Variants in INTS2 observed in about 807,000 individuals in gnomAD.
INTS2 encodes integrator complex subunit 2.
A neutral mutation model predicts 139.6 loss-of-function variants in INTS2; 57 were observed. The ratio of observed to expected loss-of-function variants is 0.41; its 90% CI spans 0.33 to 0.51. The LOEUF (loss-of-function observed/expected upper bound fraction) is 0.51, where lower values mean the gene tolerates loss of function less well. INTS2 is among the 20% of genes least tolerant of loss of function. INTS2 has a pLI of 0.28. For missense variants in INTS2, 1,196 were observed against 1,436.7 expected (o/e 0.83, Z 2.71); for synonymous variants, 473 against 493.4 (o/e 0.96, Z 0.55).
intron 9 of INTS2, among the ~76,000 whole-genome samples, chr17:61,899,584 C>T (rs2079384073): frequency 6.6e-6 from 1 of 150,562 alleles, no homozygotes; most frequent in Non-Finnish European, 1.5e-5. Flanking sequence ...TCTTTCTAAA[C>T]ATTAGTTTTT....
Position 61,897,841 on chromosome 17 carries a change from C to A in INTS2, c.1308-102G>T, listed in dbSNP as rs2079365042. 1.2e-6 allele frequency: 1 copy of A among 851,830 alleles called. No individual in the cohort carries two copies. The highest frequency in any genetic ancestry group is 1.6e-5 in the South Asian group (1 of 61,742). The allele number at this position is 851,830 out of a possible 1,614,324, so 52.8% of individuals were successfully genotyped here. A position where few individuals can be genotyped will look rare whatever the true frequency, so the allele number is the denominator to read the frequency against. On this transcript the variant is annotated intron_variant, in intron 9 of 24. Coordinates refer to ENST00000251334, the MANE Select transcript of INTS2 (RefSeq NM_001351695.2). The surrounding 1 kb of genome is among the most constrained non-coding windows in gnomAD (Gnocchi z 4.4). ...TTTTTGGTAGAAATTATTTTTCCTG[C>A]CCTATTTTCAAGTATCAAGTCAAAT...
At chr17:61,896,472 T>A (rs2079350983) in intron 11 of INTS2, among the ~76,000 whole-genome samples, 1 of 152,098 alleles carries the variant, frequency 6.6e-6, no homozygotes, top group Non-Finnish European at 1.5e-5. Context: ...ACATGTCAAC[T>A]GTAAAATGAA....
chr17:61,913,352 AC>A (rs2079547121), intron 5 of INTS2, among the ~76,000 whole-genome samples: 2 of 151,902 alleles, frequency 1.3e-5, no homozygotes, highest in African/African-American at 4.8e-5. Context: ...CAAAAAAAAA[AC>A]AAAAAAAAAG....
Position 61,869,752 on chromosome 17 carries a change from C to T in INTS2, c.3015G>A (p.Lys1005=), listed in dbSNP as rs2145898254. Reference sequence around the variant, plus strand: ...GGAAACAGACCTGAAAGTGAACAAGCTTAGCAATGTTGGGATCTGCAATGT... The same window carrying T: ...GGAAACAGACCTGAAAGTGAACAAGTTTAGCAATGTTGGGATCTGCAATGT... ...QMYIADPNIA[K]LVHFQGYPCE... Residue 1005 remains lysine, a synonymous_variant, in exon 21 of 25, where the codon AAG becomes AAA. Transcript: ENST00000251334. This position sits in a 1 kb window ranked among gnomAD's most constrained non-coding sequence, Gnocchi z 5.4. 2 of 1,613,552 alleles carry T rather than the reference C, an allele frequency of 1.2e-6. No homozygotes were observed. The highest frequency in any genetic ancestry group is 1.3e-5 in the African/African-American group (1 of 75,044).
rs754318246 is a variant in INTS2, at chr17:61,921,814, T to C, written c.446A>G (p.Asn149Ser). The C allele has an allele frequency of 1.2e-5, 19 of 1,588,914 alleles. No individual in the cohort carries two copies. Among genetic ancestry groups the C allele is most frequent in the Middle Eastern group, 3.3e-4 (2 of 5,976 alleles). ...AGAAGACTTGAAAAAAAATTCTCCGTTGGACTCAGACACCTTAAAAAAGAA... is the reference window on the plus strand; with the variant it reads ...AGAAGACTTGAAAAAAAATTCTCCGCTGGACTCAGACACCTTAAAAAAGAA... ...LAIMNKVSES[N>S]GEFFFKSSEL... Residue 149 changes from asparagine (N) to serine (S), a missense_variant, in exon 4 of 25, where the codon AAC becomes AGC. By Grantham distance (46) the Asn-to-Ser change is conservative (BLOSUM62 1). Around this residue, in one of 3 missense-constraint regions of INTS2, gnomAD observed 1,129 missense variants for 1,341.9 expected, o/e 0.84. Coordinates refer to ENST00000251334, the MANE Select transcript of INTS2 (RefSeq NM_001351695.2).
At chr17:61,922,543 T>TATAC (rs1567921253) in intron 3 of INTS2, among the ~76,000 whole-genome samples, 23 of 125,642 alleles carry the variant, frequency 1.8e-4, no homozygotes, top group African/African-American at 6.3e-4. Context: ...TATATATATA[T>TATAC]ATACGTGTTC....
intron 5 of INTS2, among the ~76,000 whole-genome samples, chr17:61,917,124 G>A (rs2079590811): frequency 6.6e-6 from 1 of 152,128 alleles, no homozygotes; most frequent in Non-Finnish European, 1.5e-5. Context: ...CTATTAAAAA[G>A]TCAAAAAATA....
At chr17:61,898,909 C>T (rs1406965748) in intron 9 of INTS2, among the ~76,000 whole-genome samples, 1 of 152,162 alleles carries the variant, frequency 6.6e-6, no homozygotes, top group South Asian at 2.1e-4. Context: ...CCACCACACC[C>T]GGTCTAAATT....
intron 1 of INTS2, 124 bp from the exon 2 acceptor site, chr17:61,926,786 G>C: frequency 1.3e-6 from 1 of 759,034 alleles, no homozygotes; most frequent in Non-Finnish European, 2.3e-6. Context: ...AATGTTCCTG[G>C]CACAATCAAG....
In INTS2 at chr17:61,873,272, C is replaced by G. The variant is rs771309327; in HGVS notation, c.2583-812G>C. 5.9e-5 allele frequency among the ~76,000 whole-genome samples: 9 copies of G among 152,014 alleles called. No individual in the cohort carries two copies. Among genetic ancestry groups the G allele is most frequent in the Admixed American group, 6.6e-5 (1 of 15,264 alleles). ...GGCACAGCAGCACACAACTGTAATC[C>G]CAGCTACTCAGGAGGCTGAGGCAAG... is the stretch of plus-strand genomic sequence containing the variant. On this transcript the variant is annotated intron_variant, in intron 19 of 24. Coordinates refer to ENST00000251334, the MANE Select transcript of INTS2 (RefSeq NM_001351695.2). The surrounding 1 kb of genome is among the most constrained non-coding windows in gnomAD (Gnocchi z 4.0).
intron 9 of INTS2, among the ~76,000 whole-genome samples, chr17:61,903,691 G>C (rs1044332141): frequency 6.7e-6 from 1 of 149,658 alleles, no homozygotes; most frequent in African/African-American, 2.5e-5. Context: ...AGTTTTACAA[G>C]GAAGTAAAAA....
At chr17:61,879,242 G>A (rs867036255) in intron 17 of INTS2, among the ~76,000 whole-genome samples, 5 of 151,940 alleles carry the variant, frequency 3.3e-5, no homozygotes, top group African/African-American at 1.2e-4. Context: ...AAACAGGACT[G>A]AAAGAGGAAA....
rs2079084787 is a variant in INTS2, at chr17:61,871,106, T to C, written c.2779-1118A>G. Reference sequence around the variant, plus strand: ...ACTCCTAGGAACAGATTTATTTTATTGATTTATTTTATTGATTTTTGTTGT... The same window carrying C: ...ACTCCTAGGAACAGATTTATTTTATCGATTTATTTTATTGATTTTTGTTGT... On this transcript the variant is annotated intron_variant, in intron 20 of 24. Coordinates refer to ENST00000251334, the MANE Select transcript of INTS2 (RefSeq NM_001351695.2). The surrounding 1 kb of genome is among the most constrained non-coding windows in gnomAD (Gnocchi z 4.9). Among the ~76,000 whole-genome samples, 2 of 152,072 alleles carry C rather than the reference T, an allele frequency of 1.3e-5. No individual in the cohort carries two copies. The highest frequency in any genetic ancestry group is 4.1e-4 in the South Asian group (2 of 4,830).
chr17:61,903,156 G>A lies in INTS2; in HGVS notation c.1307+1304C>T, dbSNP rs553112923. On this transcript the variant is annotated intron_variant, in intron 9 of 24. Coordinates refer to ENST00000251334, the MANE Select transcript of INTS2 (RefSeq NM_001351695.2). ...CACTCCAGCCTGGGCGACAAAGCTA[G>A]ACTCCGTCTCAAAAAAGGAAAAAAA... Among the ~76,000 whole-genome samples the A allele has an allele frequency of 6.5e-5, 8 of 122,556 alleles. 1 individual carries two copies. In the South Asian group the frequency reaches 2.4e-3, roughly 36 times the overall value. The allele number at this position is 122,556 out of a possible 152,430, so 80.4% of individuals were successfully genotyped here.
In INTS2 at chr17:61,893,875, C is replaced by A. The variant is rs779405941; in HGVS notation, c.1588G>T (p.Val530Phe). Residue 530 changes from valine to phenylalanine, a missense_variant, in exon 13 of 25, where the codon GTC becomes TTC. Physicochemically the swap from Val to Phe is conservative, Grantham distance 50. Around this residue, in one of 3 missense-constraint regions of INTS2, gnomAD observed 1,129 missense variants for 1,341.9 expected, o/e 0.84. Coordinates refer to ENST00000251334, the MANE Select transcript of INTS2 (RefSeq NM_001351695.2). The surrounding 1 kb of genome is among the most constrained non-coding windows in gnomAD (Gnocchi z 5.4). ...EQVVTAHAVR[V>F]PVTSNLSANI... ...GCACTCAGGTTGCTGGTGACAGGGA[C>A]CCGAACTGCATGAGCTGTGACAACC... 1 of 1,575,654 alleles carries A rather than the reference C, an allele frequency of 6.3e-7. No individual in the cohort carries two copies. Among genetic ancestry groups the A allele is most frequent in the Non-Finnish European group, 8.6e-7 (1 of 1,159,876 alleles).
At chr17:61,887,482 C>CA (rs1240524678) in intron 15 of INTS2, among the ~76,000 whole-genome samples, 3,812 of 50,146 alleles carry the variant, frequency 0.076, 159 homozygotes, top group African/African-American at 0.17. Flanking sequence ...GACTCTGTCT[C>CA]AAAAAAAAAA....
intron 15 of INTS2, among the ~76,000 whole-genome samples, chr17:61,886,426 T>A (rs1421672568): frequency 6.6e-6 from 1 of 152,252 alleles, no homozygotes; most frequent in Non-Finnish European, 1.5e-5. Flanking sequence ...CAACCTTTTT[T>A]TCTTCTAAGT....
rs2079715289 is a variant in INTS2, at chr17:61,926,481, C to T, written c.164G>A (p.Ser55Asn). 2 of 1,613,928 alleles carry T rather than the reference C, an allele frequency of 1.2e-6. No individual in the cohort carries two copies. Among genetic ancestry groups the T allele is most frequent in the East Asian group, 2.2e-5 (1 of 44,902 alleles). Residue 55 changes from serine to asparagine, a missense_variant, in exon 2 of 25, where the codon AGC (serine) becomes AAC (asparagine). Physicochemically the swap from Ser to Asn is conservative, Grantham distance 46. This residue lies in a region of INTS2 where 31 missense variants were observed against 64.8 expected (regional missense o/e 0.48). Coordinates refer to ENST00000251334, the MANE Select transcript of INTS2 (RefSeq NM_001351695.2). ...GATGAGTTTCTTATCCTGAGCCCAG[C>T]TTTGGCTCTGGTCAGCAGGTGCACA... ...ALCAPADQSQ[S>N]WAQDKKLILR... is the part of the protein sequence containing the mutation.
chr17:61,922,256 A>C (rs556216929), intron 3 of INTS2, among the ~76,000 whole-genome samples: 1 of 152,156 alleles, frequency 6.6e-6, no homozygotes, highest in African/African-American at 2.4e-5. Context: ...GGATCAACTG[A>C]GGTCAGGAGT....
Sources: gnomAD v4.1 joint callset for allele counts (sites outside exome capture counted in the v4.1 genomes callset) on GRCh38, gnomAD v4.1.1 for gene constraint, gnomAD v4.1.1 regional missense constraint, Gnocchi (gnomAD v3.1) non-coding constraint, MANE v1.5 for transcripts, NCBI Gene and HGNC (gene_info 2026-07-23, HGNC 2026-07-21) for gene names.